The following DOP1A variants were observed in gnomAD, a reference collection of about 807,000 sequenced individuals.
The protein encoded by DOP1A is DOP1 leucine zipper like protein A.
DOP1A carries 90 observed loss-of-function variants against 267.6 expected under a neutral mutation model. The ratio of observed to expected loss-of-function variants is 0.34; its 90% CI spans 0.28 to 0.40. DOP1A has a LOEUF of 0.40. Ranked by LOEUF, DOP1A falls within the 10% of genes least tolerant of loss-of-function variation. The pLI, the probability that DOP1A is intolerant of heterozygous loss-of-function variation, is 1.00. For missense variants in DOP1A, 2,437 were observed against 2,900.4 expected, an observed-to-expected ratio of 0.84 and a Z score of 3.67; for synonymous variants, 932 against 999.1, an observed-to-expected ratio of 0.93 and a Z score of 1.27.
At chr6:83,094,573 T>C (rs557294953) in intron 1 of DOP1A, among the ~76,000 whole-genome samples, 7 of 152,360 alleles carry the variant, frequency 4.6e-5, no homozygotes, top group African/African-American at 1.7e-4. Context: ...CTATCTTTTT[T>C]ATTGTAACCA....
chr6:83,072,097 TG>T (rs1406086099), intron 1 of DOP1A, among the ~76,000 whole-genome samples: 5 of 152,332 alleles, frequency 3.3e-5, no homozygotes, highest in African/African-American at 1.2e-4. Flanking sequence ...CCTCCTGAGA[TG>T]ACACCTTCTA....
intron 1 of DOP1A, among the ~76,000 whole-genome samples, chr6:83,087,089 C>G (rs1336826372): frequency 1.3e-5 from 2 of 152,034 alleles, no homozygotes; most frequent in African/African-American, 4.8e-5. Context: ...GAGGAAGGTC[C>G]TTTGTCCTTC....
Position 83,138,640 on chromosome 6 carries a change from T to C in DOP1A, c.4598T>C (p.Leu1533Pro). Residue 1533 changes from leucine (L) to proline (P), a missense_variant, in exon 21 of 39, where the codon CTG (leucine) becomes CCG (proline). Coordinates refer to ENST00000349129, the MANE Select transcript of DOP1A (RefSeq NM_015018.4). ...CAGAAAGTGATTCTTCATTGTTTGC[T>C]GTCATCTATCTTTAGTGCTCAGAAA... ...KVQKVILHCL[L>P]SSIFSAQKWH... The C allele has an allele frequency of 6.2e-7, 1 of 1,613,960 alleles. No homozygotes were observed. The highest frequency in any genetic ancestry group is 8.5e-7 in the Non-Finnish European group (1 of 1,179,938).
rs770550028 is a variant in DOP1A at position 83,122,096 on chromosome 6, T to C, written c.1220+46T>C. The C allele has an allele frequency of 1.9e-6, 3 of 1,596,300 alleles. No individual in the cohort carries two copies. In the South Asian group the frequency reaches 3.4e-5, roughly 18 times the overall value. ...ATGTGACATGAAGACATAATATGTATTCACTTAATATAAACTTGAAGTGTA... is the reference window on the plus strand; with the variant it reads ...ATGTGACATGAAGACATAATATGTACTCACTTAATATAAACTTGAAGTGTA... On this transcript the variant is annotated intron_variant, in intron 11 of 38. Transcript: ENST00000349129.
intron 33 of DOP1A, among the ~76,000 whole-genome samples, chr6:83,155,640 G>T (rs1175578677): frequency 6.6e-6 from 1 of 152,038 alleles, no homozygotes; most frequent in African/African-American, 2.4e-5. Context: ...TAACGAGAAG[G>T]ATTTAAGCAG....
At chr6:83,133,792 A>C (rs572571863) in intron 18 of DOP1A, among the ~76,000 whole-genome samples, 1 of 152,142 alleles carries the variant, frequency 6.6e-6, no homozygotes, top group Non-Finnish European at 1.5e-5. Context: ...GACAAAAAAT[A>C]TATAGTGCAA....
rs776432766 is a variant in DOP1A at position 83,100,808 on chromosome 6, G to A, written c.242G>A (p.Arg81Gln). The change falls in exon 4 of 39, where the codon CGG becomes CAG. Residue 81 changes from arginine to glutamine, a missense_variant. Physicochemically the swap from Arg to Gln is conservative, Grantham distance 43 (BLOSUM62 1). Coordinates refer to ENST00000349129, the MANE Select transcript of DOP1A (RefSeq NM_015018.4). ...LHPALPGGVH[R>Q]KALETYEIIF... ...CCAGCATTACCAGGTGGAGTTCATC[G>A]GAAGGCGCTTGAAACATATGAAATT... is the stretch of plus-strand genomic sequence containing the variant. 4.4e-6 allele frequency: 7 copies of A among 1,594,862 alleles called. No homozygotes were observed. Among genetic ancestry groups the A allele is most frequent in the Admixed American group, 1.7e-5 (1 of 58,938 alleles).
intron 17 of DOP1A, among the ~76,000 whole-genome samples, chr6:83,131,905 G>A (rs1778104912): frequency 6.6e-6 from 1 of 152,108 alleles, no homozygotes; most frequent in African/African-American, 2.4e-5. Flanking sequence ...CCAAGATGCT[G>A]GGATTACAGC....
intron 37 of DOP1A, among the ~76,000 whole-genome samples, chr6:83,161,767 A>G (rs1347962137): frequency 5.3e-5 from 8 of 152,178 alleles, no homozygotes; most frequent in African/African-American, 1.9e-4. Flanking sequence ...TTCAGAGGTT[A>G]TATTTACCAA....
intron 24 of DOP1A, 76 bp from the exon 25 acceptor site, chr6:83,145,448 T>C (rs41271569): frequency 0.018 from 23,233 of 1,275,188 alleles, 273 homozygotes; most frequent in Middle Eastern, 0.038. Flanking sequence ...GAAGAGATCA[T>C]AAAATACTCT....
At chr6:83,125,234 T>C in intron 14 of DOP1A, 39 bp downstream of exon 14, 1 of 1,537,508 alleles carries the variant, frequency 6.5e-7, no homozygotes, top group Middle Eastern at 1.8e-4. Context: ...AATGATTCTA[T>C]TTACTTTTGT....
intron 3 of DOP1A, among the ~76,000 whole-genome samples, chr6:83,099,204 A>G (rs929697793): frequency 1.3e-5 from 2 of 152,162 alleles, no homozygotes; most frequent in Admixed American, 6.5e-5. Flanking sequence ...TCACAATACC[A>G]CACCAGGACA....
chr6:83,109,186 T>C (rs1582966756), intron 5 of DOP1A, 106 bp downstream of exon 5: 2 of 952,104 alleles, frequency 2.1e-6, no homozygotes, highest in Non-Finnish European at 3.1e-6. Flanking sequence ...TTCTAGACAG[T>C]TCAGTATATC....
chr6:83,154,365 G>A, intron 33 of DOP1A, 124 bp downstream of exon 33: 1 of 841,836 alleles, frequency 1.2e-6, no homozygotes, highest in Non-Finnish European at 1.9e-6. Context: ...TGTCAGTGGG[G>A]ATATGTGCTC....
At chr6:83,088,763 G>T (rs748474188) in intron 1 of DOP1A, among the ~76,000 whole-genome samples, 1 of 152,118 alleles carries the variant, frequency 6.6e-6, no homozygotes, top group Non-Finnish European at 1.5e-5. Context: ...CCAGCTTTCA[G>T]GAGTGACTGG....
intron 1 of DOP1A, among the ~76,000 whole-genome samples, chr6:83,091,733 T>G (rs1352089117): frequency 6.6e-6 from 1 of 152,172 alleles, no homozygotes; most frequent in Non-Finnish European, 1.5e-5. Flanking sequence ...ATCTTCCTCA[T>G]GCACTGAATA....
At chr6:83,169,475 C>A, downstream of DOP1A, 1 of 863,408 alleles carries the variant, frequency 1.2e-6, no homozygotes. Context: ...TTTCATCTTT[C>A]AGTAACAAAT....
chr6:83,071,181 A>G (rs939706278), intron 1 of DOP1A, among the ~76,000 whole-genome samples: 5 of 152,176 alleles, frequency 3.3e-5, no homozygotes, highest in African/African-American at 1.2e-4. Flanking sequence ...TTCTTGATAC[A>G]GTCAGAGGAA....
At chr6:83,156,190 A>G (rs1782746344) in intron 34 of DOP1A, 87 bp downstream of exon 34, 1 of 1,062,800 alleles carries the variant, frequency 9.4e-7, no homozygotes, top group Non-Finnish European at 1.3e-6. Context: ...AAGTTGGGGT[A>G]AAATATATCA....
Sources: allele counts gnomAD v4.1 joint callset (sites outside exome capture counted in the v4.1 genomes callset), GRCh38; gene constraint gnomAD v4.1.1; transcripts MANE v1.5; gene names NCBI Gene and HGNC (gene_info 2026-07-23, HGNC 2026-07-21).